Variants in OXLD1 observed in about 807,000 individuals in gnomAD.
The protein encoded by OXLD1 is oxidoreductase like domain containing 1, also known as oxidoreductase-like domain-containing protein 1.
In OXLD1, 4 loss-of-function variants were observed where a neutral mutation model predicts 3.1. The ratio of observed to expected loss-of-function variants is 1.28; its 90% confidence interval spans 0.63 to 2.92. The LOEUF is 2.92. Ranked by LOEUF, OXLD1 falls within the 30% of genes most tolerant of loss-of-function variation. The probability of loss-of-function intolerance (pLI) is 0.01; values close to 1 mark genes in which losing one functional copy is unlikely to be tolerated. For missense variants in OXLD1, 240 were observed against 204.6 expected (o/e 1.17, Z -1.05); for synonymous variants, 100 against 87.0 (o/e 1.15, Z -0.83).
rs766668026 is a variant in OXLD1, at chr17:81,665,384, G to A, written c.261C>T (p.Pro87=). The A allele has an allele frequency of 2.5e-6, 4 of 1,613,514 alleles. No homozygotes were observed. In the African/African-American group the frequency reaches 4.0e-5, roughly 16 times the overall value. ...KASLPPELQP[P]TNCCMSGCPN... ...GGCAGCCACTCATGCAGCAGTTTGT[G>A]GGCGGCTGGAGCTCAGGTGGCAGCG... Residue 87 remains proline (P), a synonymous_variant, in exon 2 of 2, where the codon CCC becomes CCT. Coordinates refer to ENST00000374741, the MANE Select transcript of OXLD1 (RefSeq NM_001039842.3).
In OXLD1 at chr17:81,665,131, G is replaced by A. The variant is rs1251836486; in HGVS notation, c.*70C>T. On this transcript the variant is annotated 3_prime_UTR_variant, in exon 2 of 2. Transcript: ENST00000374741. ...GTTGGACACAAGGAGTCTGTGAGGG[G>A]GTGTGAAGGAAGGAGGCTGCGGCTG... is the stretch of plus-strand genomic sequence containing the variant. The A allele has an allele frequency of 2.0e-6, 3 of 1,500,034 alleles. No homozygotes were observed. Among genetic ancestry groups the A allele is most frequent in the African/African-American group, 1.4e-5 (1 of 71,800 alleles). The allele number at this position is 1,500,034 out of a possible 1,614,324, so 92.9% of individuals were successfully genotyped here. A position where few individuals can be genotyped will look rare whatever the true frequency, so the allele number is the denominator to read the frequency against.
At position 81,665,535 on chromosome 17, in the gene OXLD1, C is replaced by T; in HGVS notation, c.110G>A (p.Gly37Asp). The T allele has an allele frequency of 6.2e-7, 1 of 1,608,006 alleles. No individual in the cohort carries two copies. Among genetic ancestry groups the T allele is most frequent in the Non-Finnish European group, 8.5e-7 (1 of 1,176,300 alleles). ...ATGGTGCCTTTGAAGAAAGCTGCCACCTCCAGGAAGCCTCTGGCAGCAGTC... is the reference window on the plus strand; with the variant it reads ...ATGGTGCCTTTGAAGAAAGCTGCCATCTCCAGGAAGCCTCTGGCAGCAGTC... Reference protein sequence around the residue: ...SPDCCQRLPGGGSFLQRHHPG... With the variant: ...SPDCCQRLPGDGSFLQRHHPG... The change falls in exon 2 of 2, where the codon GGT (glycine) becomes GAT (aspartate). Residue 37 changes from glycine to aspartate, a missense_variant. Gly to Asp is a moderately conservative substitution (Grantham distance 94). Coordinates refer to ENST00000374741, the MANE Select transcript of OXLD1 (RefSeq NM_001039842.3).
In OXLD1 at chr17:81,665,243, G is replaced by C. The variant is rs2036576364; in HGVS notation, c.402C>G (p.Phe134Leu). The C allele has an allele frequency of 6.2e-7, 1 of 1,613,218 alleles. No homozygotes were observed. Residue 134 changes from phenylalanine (F) to leucine (L), a missense_variant, in exon 2 of 2, where the codon TTC (phenylalanine) becomes TTG (leucine). Transcript: ENST00000374741. ...EHVADENLKA[F>L]LRMEIRLHTR... ...TGTGCAGCCGGATCTCCATCCTGAG[G>C]AAGGCCTTGAGGTTCTCATCAGCCA...
Position 81,665,449 on chromosome 17 carries a change from A to G in OXLD1, c.196T>C (p.Ser66Pro). The G allele has an allele frequency of 6.2e-7, 1 of 1,613,380 alleles. No homozygotes were observed. The highest frequency in any genetic ancestry group is 8.5e-7 in the Non-Finnish European group (1 of 1,180,000). Reference sequence around the variant, plus strand: ...CTGGTGCCGTCCGCACCTGCTTGGGAGCCCACCTCTACGTGGTCTGTCCCG... The same window carrying G: ...CTGGTGCCGTCCGCACCTGCTTGGGGGCCCACCTCTACGTGGTCTGTCCCG... ...KFGTDHVEVG[S>P]QAGADGTRPP... is the part of the protein sequence containing the mutation. Residue 66 changes from serine (S) to proline (P), a missense_variant, in exon 2 of 2, where the codon TCC becomes CCC. Coordinates refer to ENST00000374741, the MANE Select transcript of OXLD1 (RefSeq NM_001039842.3).
chr17:81,665,380 T>C lies in OXLD1; in HGVS notation c.265A>G (p.Asn89Asp), dbSNP rs2036583043. 2 of 1,613,620 alleles carry C rather than the reference T, an allele frequency of 1.2e-6. No individual in the cohort carries two copies. The highest frequency in any genetic ancestry group is 8.5e-7 in the Non-Finnish European group (1 of 1,180,006). Residue 89 changes from asparagine to aspartate, a missense_variant, in exon 2 of 2, where the codon AAC (asparagine) becomes GAC (aspartate). Coordinates refer to ENST00000374741, the MANE Select transcript of OXLD1 (RefSeq NM_001039842.3). ...TTGGGGCAGCCACTCATGCAGCAGT[T>C]TGTGGGCGGCTGGAGCTCAGGTGGC... ...SLPPELQPPT[N>D]CCMSGCPNCV...
chr17:81,665,872 C>T (rs941328500), intron 1 of OXLD1: 2 of 473,890 alleles, frequency 4.2e-6, no homozygotes, highest in South Asian at 3.1e-5. Context: ...GGGAGGCACT[C>T]GACACCTCCA....
rs770566999 is a variant in OXLD1 at position 81,665,196 on chromosome 17, A to T, written c.*5T>A. ...TCCTGCGGTAGGGAGTCCAGCAGGGATGGCTCAGCCTCCGCACCTGGTGTG... is the reference window on the plus strand; with the variant it reads ...TCCTGCGGTAGGGAGTCCAGCAGGGTTGGCTCAGCCTCCGCACCTGGTGTG... On this transcript the variant is annotated 3_prime_UTR_variant, in exon 2 of 2. Coordinates refer to ENST00000374741, the MANE Select transcript of OXLD1 (RefSeq NM_001039842.3). The T allele has an allele frequency of 1.9e-6, 3 of 1,602,662 alleles. No homozygotes were observed. The African/African-American group carries it at 4.0e-5, about 21-fold the overall frequency.
chr17:81,666,010 A>G, intron 1 of OXLD1: 1 of 396,148 alleles, frequency 2.5e-6, no homozygotes, highest in Non-Finnish European at 4.5e-6. Flanking sequence ...GAAGAATCGC[A>G]CCACCCTTTA....
At chr17:81,666,261 G>A (rs1255979792) in intron 1 of OXLD1, 3 of 489,866 alleles carry the variant, frequency 6.1e-6, no homozygotes, top group African/African-American at 2.0e-5. Flanking sequence ...TGAGAAACAG[G>A]AAAGTGGCCG....
chr17:81,665,810 C>G, intron 1 of OXLD1: 1 of 577,494 alleles, frequency 1.7e-6, no homozygotes, highest in Non-Finnish European at 2.9e-6. Flanking sequence ...CAAGAAGTGC[C>G]AGGATCAGGG....
chr17:81,666,489 G>A (rs2036624913), intron 1 of OXLD1, 29 bp downstream of exon 1: 2 of 1,529,494 alleles, frequency 1.3e-6, no homozygotes, highest in Non-Finnish European at 1.7e-6. Flanking sequence ...GTGCCCTTCG[G>A]CGCTGCCAAG....
chr17:81,666,467 G>T (rs955328487), intron 1 of OXLD1, 51 bp downstream of exon 1: 1 of 1,521,338 alleles, frequency 6.6e-7, no homozygotes, highest in Non-Finnish European at 8.8e-7. Flanking sequence ...CCCGGACAGC[G>T]GCCTCTCGGA....
chr17:81,665,122 C>T lies in OXLD1; in HGVS notation c.*79G>A. ...CCTATTCCCGTTGGACACAAGGAGTCTGTGAGGGGGTGTGAAGGAAGGAGG... is the reference window on the plus strand; with the variant it reads ...CCTATTCCCGTTGGACACAAGGAGTTTGTGAGGGGGTGTGAAGGAAGGAGG... On this transcript the variant is annotated 3_prime_UTR_variant, in exon 2 of 2. Coordinates refer to ENST00000374741, the MANE Select transcript of OXLD1 (RefSeq NM_001039842.3). The T allele has an allele frequency of 6.8e-7, 1 of 1,473,242 alleles. No individual in the cohort carries two copies. The highest frequency in any genetic ancestry group is 9.1e-7 in the Non-Finnish European group (1 of 1,097,112). The allele number at this position is 1,473,242 out of a possible 1,614,324, so 91.3% of individuals were successfully genotyped here. A position where few individuals can be genotyped will look rare whatever the true frequency, so the allele number is the denominator to read the frequency against.
At chr17:81,666,369 C>T (rs1166670613) in intron 1 of OXLD1, 149 bp downstream of exon 1, 6 of 891,142 alleles carry the variant, frequency 6.7e-6, no homozygotes, top group Non-Finnish European at 9.9e-6. Flanking sequence ...AGCGAGGGGT[C>T]CTTCGGCGGC....
Sources: allele counts gnomAD v4.1 joint callset, GRCh38; gene constraint gnomAD v4.1.1; transcripts MANE v1.5; gene names NCBI Gene and HGNC (gene_info 2026-07-23, HGNC 2026-07-21).